Variants in ANO3 observed in about 807,000 individuals in gnomAD.
The protein encoded by ANO3 is anoctamin-3.
A neutral mutation model predicts 144.8 loss-of-function variants in ANO3; 99 were observed. The ratio of observed to expected loss-of-function variants is 0.68; its 90% confidence interval spans 0.58 to 0.81. The LOEUF (loss-of-function observed/expected upper bound fraction) is 0.81, where lower values mean the gene tolerates loss of function less well. Among genes scored for constraint, ANO3 ranks in the 30% least tolerant of loss-of-function variants. ANO3 has a pLI of 0.00. For missense variants in ANO3, 905 were observed against 1,202.2 expected (o/e 0.75, Z 3.66); for synonymous variants, 414 against 392.6 (o/e 1.05, Z -0.64).
chr11:26,590,009 G>A (rs754566816), intron 14 of ANO3, among the ~76,000 whole-genome samples: 1 of 152,286 alleles, frequency 6.6e-6, no homozygotes, highest in South Asian at 2.1e-4. Context: ...TCTATAGAGA[G>A]CTCGTGACAT....
At chr11:26,599,406 A>G in intron 16 of ANO3, 144 bp from the exon 17 acceptor site, 2 of 874,668 alleles carry the variant, frequency 2.3e-6, no homozygotes, top group Non-Finnish European at 3.4e-6. Flanking sequence ...AACTTCCTTA[A>G]AGGAGAAAAT....
At chr11:26,542,649 T>G (rs896883650) in intron 11 of ANO3, among the ~76,000 whole-genome samples, 2 of 152,110 alleles carry the variant, frequency 1.3e-5, no homozygotes, top group African/African-American at 2.4e-5. Context: ...TTGTATATAT[T>G]TACTGTTCAA....
chr11:26,449,568 T>G (rs979392582), intron 3 of ANO3, among the ~76,000 whole-genome samples: 8 of 151,956 alleles, frequency 5.3e-5, no homozygotes, highest in African/African-American at 1.9e-4. Flanking sequence ...ACCCTGTTTT[T>G]GCTCTCTGTG....
intron 2 of ANO3, among the ~76,000 whole-genome samples, chr11:26,442,335 G>A (rs1278556736): frequency 1.3e-5 from 2 of 152,116 alleles, no homozygotes; most frequent in East Asian, 1.9e-4. Context: ...CCTAATATTT[G>A]TTTGCAGTGG....
chr11:26,647,785 T>C lies in ANO3; in HGVS notation c.2505T>C (p.Ser835=), dbSNP rs939661308. ...ATGCATTTGTAATTGCTATTACTTCTGATTACATCCCACGTTTTGTTTATG... is the reference window on the plus strand; with the variant it reads ...ATGCATTTGTAATTGCTATTACTTCCGATTACATCCCACGTTTTGTTTATG... ...ITNAFVIAIT[S]DYIPRFVYEY... The change falls in exon 24 of 27, where the codon TCT becomes TCC. Residue 835 remains serine (S), a synonymous_variant. Transcript: ENST00000256737. 2 of 1,613,544 alleles carry C rather than the reference T, an allele frequency of 1.2e-6. No homozygotes were observed. Among genetic ancestry groups the C allele is most frequent in the African/African-American group, 1.3e-5 (1 of 75,066 alleles).
At chr11:26,407,835 T>C (rs1857328890) in intron 1 of ANO3, among the ~76,000 whole-genome samples, 1 of 151,834 alleles carries the variant, frequency 6.6e-6, no homozygotes, top group Non-Finnish European at 1.5e-5. Flanking sequence ...CACTCCCCTT[T>C]GCCTTCTGCT....
chr11:26,436,562 C>G (rs75519427), intron 1 of ANO3, among the ~76,000 whole-genome samples: 2,926 of 151,826 alleles, frequency 0.019, 47 homozygotes, highest in Middle Eastern at 0.055. Flanking sequence ...AGGTATGGAC[C>G]TGCTGCCAGC....
chr11:26,332,077 CTAGA>C (rs1855059480), upstream of ANO3: 19 of 1,439,600 alleles, frequency 1.3e-5, no homozygotes, highest in Non-Finnish European at 1.6e-5. Context: ...GAGCCGGACG[CTAGA>C]CCGCCCTCCC....
intron 4 of ANO3, among the ~76,000 whole-genome samples, chr11:26,467,795 TTC>T (rs776393729): frequency 6.6e-6 from 1 of 151,924 alleles, no homozygotes; most frequent in Non-Finnish European, 1.5e-5. Flanking sequence ...CCAATTTACT[TTC>T]TGTCTTACCT....
intron 1 of ANO3, among the ~76,000 whole-genome samples, chr11:26,272,030 T>TC (rs1853450396): frequency 1.3e-5 from 2 of 152,094 alleles, no homozygotes; most frequent in Non-Finnish European, 2.9e-5. Flanking sequence ...TGTGGTGAGA[T>TC]CAAGTGTTTT....
intron 1 of ANO3, among the ~76,000 whole-genome samples, chr11:26,210,702 C>T (rs1401258890): frequency 5.3e-5 from 8 of 152,054 alleles, no homozygotes; most frequent in Non-Finnish European, 1.5e-5. Context: ...CCTCCACATC[C>T]CTTGTAAGTT....
At chr11:26,404,427 C>T (rs1857225216) in intron 1 of ANO3, among the ~76,000 whole-genome samples, 1 of 151,806 alleles carries the variant, frequency 6.6e-6, no homozygotes, top group South Asian at 2.1e-4. Context: ...AAATTTACTC[C>T]TTATCTGGTT....
intron 4 of ANO3, among the ~76,000 whole-genome samples, chr11:26,475,608 C>A (rs1381563489): frequency 6.6e-6 from 1 of 151,976 alleles, no homozygotes; most frequent in African/African-American, 2.4e-5. Flanking sequence ...AATACATACT[C>A]AGCTATCAGT....
intron 14 of ANO3, among the ~76,000 whole-genome samples, chr11:26,597,131 G>A (rs1851654883): frequency 6.6e-6 from 1 of 152,178 alleles, no homozygotes; most frequent in African/African-American, 2.4e-5. Context: ...CTTTGGAGAA[G>A]CGCCGTACGG....
At chr11:26,319,563 C>T (rs1854710006) in intron 1 of ANO3, among the ~76,000 whole-genome samples, 1 of 152,144 alleles carries the variant, frequency 6.6e-6, no homozygotes, top group Admixed American at 6.6e-5. Context: ...GTTTGTATGG[C>T]ATAGACATCC....
intron 1 of ANO3, among the ~76,000 whole-genome samples, chr11:26,383,920 C>T (rs1420692070): frequency 2.4e-4 from 15 of 61,424 alleles, no homozygotes; most frequent in African/African-American, 3.6e-4. Context: ...TTTTTTGAGA[C>T]GGAATCTCTC....
At chr11:26,567,100 A>G in intron 14 of ANO3, 1 of 1,471,216 alleles carries the variant, frequency 6.8e-7, no homozygotes, top group Non-Finnish European at 9.1e-7. Flanking sequence ...CCCATTTTGC[A>G]GATGAAGAAA....
chr11:26,309,639 T>C (rs1413637929), exon 1 of ANO3: 11 of 985,106 alleles, frequency 1.1e-5, no homozygotes, highest in Non-Finnish European at 1.3e-5. Context: ...TTGTTCTCTC[T>C]CACAGGTCTG....
At chr11:26,659,512 G>A (rs772965387) in intron 26 of ANO3, among the ~76,000 whole-genome samples, 2 of 151,778 alleles carry the variant, frequency 1.3e-5, no homozygotes, top group African/African-American at 4.8e-5. Context: ...TAGGCAATGT[G>A]GTGAGACCTC....
Sources: gnomAD v4.1 joint callset for allele counts (sites outside exome capture counted in the v4.1 genomes callset) on GRCh38, gnomAD v4.1.1 for gene constraint, MANE v1.5 for transcripts, NCBI Gene and HGNC (gene_info 2026-07-23, HGNC 2026-07-21) for gene names.